Variants in ZC3H7B observed in about 807,000 individuals in gnomAD.
ZC3H7B encodes zinc finger CCCH-type containing 7B.
Under a neutral mutation model 116.0 loss-of-function variants are expected in ZC3H7B, and 35 were observed. The observed-to-expected ratio is 0.30, with a 90% CI of 0.23 to 0.40. ZC3H7B has a LOEUF of 0.40. Among genes scored for constraint, ZC3H7B ranks in the 10% least tolerant of loss-of-function variants. The pLI, the probability that ZC3H7B is intolerant of heterozygous loss-of-function variation, is 1.00. For synonymous variants in ZC3H7B, 502 were observed against 545.6 expected, an observed-to-expected ratio of 0.92 and a Z score of 1.11; for missense variants, 1,011 against 1,321.5, an observed-to-expected ratio of 0.77 and a Z score of 3.64.
intron 1 of ZC3H7B, among the ~76,000 whole-genome samples, chr22:41,315,833 A>G (rs2036175631): frequency 6.6e-6 from 1 of 152,160 alleles, no homozygotes; most frequent in African/African-American, 2.4e-5. Flanking sequence ...GTACTTCTGT[A>G]TAGGCCCTAT....
rs373997675 is a variant in ZC3H7B, at chr22:41,330,186, G to A, written c.525+83G>A. ...GGGACCAGGCTCCGTGGGGAAGGTGGGTGAGGGTGGCCAGGGCTGGGTTAG... is the reference window on the plus strand; with the variant it reads ...GGGACCAGGCTCCGTGGGGAAGGTGAGTGAGGGTGGCCAGGGCTGGGTTAG... On this transcript the variant is annotated intron_variant, in intron 6 of 22. Coordinates refer to ENST00000352645, the MANE Select transcript of ZC3H7B (RefSeq NM_017590.6). 34 of 1,468,968 alleles carry A rather than the reference G, an allele frequency of 2.3e-5. No individual in the cohort carries two copies. In the African/African-American group the frequency reaches 4.0e-4, roughly 17 times the overall value. 91.0% of individuals were successfully genotyped at this position (1,468,968 alleles called of 1,614,324 possible).
chr22:41,357,521 T>A lies in ZC3H7B; in HGVS notation c.*92T>A. 1 of 400,512 alleles carries A rather than the reference T, an allele frequency of 2.5e-6. No individual in the cohort carries two copies. The highest frequency in any genetic ancestry group is 4.3e-6 in the Non-Finnish European group (1 of 234,990). The allele number at this position is 400,512 out of a possible 1,614,324, so 24.8% of individuals were successfully genotyped here. ...GAAGGGTCAGGGCAGGCCAGGGGGG[T>A]GGGGGGCCGCCCTCATCAGGCAGCC... On this transcript the variant is annotated 3_prime_UTR_variant, in exon 23 of 23. Transcript: ENST00000352645. The surrounding 1 kb of genome is among the most constrained non-coding windows in gnomAD (Gnocchi z 5.4).
chr22:41,309,212 G>T (rs1403836241), intron 1 of ZC3H7B, among the ~76,000 whole-genome samples: 1 of 151,644 alleles, frequency 6.6e-6, no homozygotes, highest in Non-Finnish European at 1.5e-5. Context: ...GGGTTTCACC[G>T]TGTTAGCCAG....
rs2036329266 is a variant in ZC3H7B, at chr22:41,327,141, G to A, written c.286-65G>A. 1.3e-6 allele frequency: 2 copies of A among 1,587,082 alleles called. No individual in the cohort carries two copies. Among genetic ancestry groups the A allele is most frequent in the African/African-American group, 2.7e-5 (2 of 74,566 alleles). On this transcript the variant is annotated intron_variant, in intron 4 of 22. Coordinates refer to ENST00000352645, the MANE Select transcript of ZC3H7B (RefSeq NM_017590.6). This position sits in a 1 kb window ranked among gnomAD's most constrained non-coding sequence, Gnocchi z 4.5. ...AGCTGGTGTTCCTTCCTAGGCAGGG[G>A]CAGGAGGCCTGGGGGAGGGAGGGTA...
chr22:41,338,245 G>A lies in ZC3H7B; in HGVS notation c.583-68G>A. ...GTCAACAGCATAGTCACGTGGGGAG[G>A]GGCTGGTGCTGGGTGCTGGGATCGG... On this transcript the variant is annotated intron_variant, in intron 7 of 22. Coordinates refer to ENST00000352645, the MANE Select transcript of ZC3H7B (RefSeq NM_017590.6). The surrounding 1 kb of genome is among the most constrained non-coding windows in gnomAD (Gnocchi z 4.5). The A allele has an allele frequency of 6.5e-7, 1 of 1,537,142 alleles. No individual in the cohort carries two copies. Among genetic ancestry groups the A allele is most frequent in the Non-Finnish European group, 8.9e-7 (1 of 1,123,340 alleles).
chr22:41,327,469 C>G lies in ZC3H7B; in HGVS notation c.444+105C>G. The G allele has an allele frequency of 6.9e-7, 1 of 1,446,970 alleles. No homozygotes were observed. Among genetic ancestry groups the G allele is most frequent in the East Asian group, 2.3e-5 (1 of 43,238 alleles). 89.6% of individuals were successfully genotyped at this position (1,446,970 alleles called of 1,614,324 possible). On this transcript the variant is annotated intron_variant, in intron 5 of 22. Transcript: ENST00000352645. This position sits in a 1 kb window ranked among gnomAD's most constrained non-coding sequence, Gnocchi z 4.5. ...CACCACATCCTTCTGTGTCTCACTTCCTCCCCTGTGACATGGCCATGCAGA... is the reference window on the plus strand; with the variant it reads ...CACCACATCCTTCTGTGTCTCACTTGCTCCCCTGTGACATGGCCATGCAGA...
intron 15 of ZC3H7B, among the ~76,000 whole-genome samples, chr22:41,348,526 A>T (rs753424652): frequency 2.0e-5 from 3 of 152,188 alleles, no homozygotes; most frequent in Non-Finnish European, 2.9e-5. Context: ...ACTGTAGCCC[A>T]GCACCCTCCA....
intron 13 of ZC3H7B, among the ~76,000 whole-genome samples, chr22:41,345,694 C>T (rs1375265285): frequency 6.6e-6 from 1 of 152,164 alleles, no homozygotes; most frequent in Non-Finnish European, 1.5e-5. Context: ...GTGTGGAGTG[C>T]AGAAGCGGGC....
At chr22:41,323,430 G>A (rs1044826650) in intron 2 of ZC3H7B, among the ~76,000 whole-genome samples, 1 of 152,246 alleles carries the variant, frequency 6.6e-6, no homozygotes, top group Non-Finnish European at 1.5e-5. Context: ...TGTCTGTAGA[G>A]CTGGATTCCC....
intron 6 of ZC3H7B, among the ~76,000 whole-genome samples, chr22:41,330,520 A>T (rs1569236172): frequency 6.6e-6 from 1 of 152,224 alleles, no homozygotes; most frequent in Non-Finnish European, 1.5e-5. Flanking sequence ...GCACAAGGGA[A>T]ACTCGTGACT....
chr22:41,327,430 C>T lies in ZC3H7B; in HGVS notation c.444+66C>T, dbSNP rs1338210194. The T allele has an allele frequency of 5.1e-6, 8 of 1,565,072 alleles. No individual in the cohort carries two copies. The highest frequency in any genetic ancestry group is 6.9e-6 in the Non-Finnish European group (8 of 1,158,500). On this transcript the variant is annotated intron_variant, in intron 5 of 22. Transcript: ENST00000352645. This position sits in a 1 kb window ranked among gnomAD's most constrained non-coding sequence, Gnocchi z 4.5. ...GCCAGGCTTCTGACCTTCCGGCCCT[C>T]ACTTGGGCCCAGCCACCACATCCTT...
At position 41,359,169 on chromosome 22, in the gene ZC3H7B, T is replaced by A. The variant is rs1418016263; in HGVS notation, c.*1740T>A. On this transcript the variant is annotated 3_prime_UTR_variant, in exon 23 of 23. Coordinates refer to ENST00000352645, the MANE Select transcript of ZC3H7B (RefSeq NM_017590.6). ...GGGAGACCACACCCAAGGTGGGGGC[T>A]GTGGCCATGTGTGGCCGTGATGTCG... 6.5e-6 allele frequency: 1 copy of A among 152,860 alleles called. No homozygotes were observed. The highest frequency in any genetic ancestry group is 6.5e-5 in the Admixed American group (1 of 15,284). The allele number at this position is 152,860 out of a possible 1,614,324, so 9.5% of individuals were successfully genotyped here. A position where few individuals can be genotyped will look rare whatever the true frequency, so the allele number is the denominator to read the frequency against.
chr22:41,339,745 A>G, intron 9 of ZC3H7B, 71 bp from the exon 10 acceptor site: 1 of 1,442,290 alleles, frequency 6.9e-7, no homozygotes, highest in Non-Finnish European at 9.3e-7. Context: ...TTGCTTCCCC[A>G]AGTCCTGATG....
At chr22:41,331,747 T>C (rs2036387056) in intron 6 of ZC3H7B, among the ~76,000 whole-genome samples, 1 of 152,000 alleles carries the variant, frequency 6.6e-6, no homozygotes, top group Admixed American at 6.6e-5. Context: ...GGTGCATGCC[T>C]GTAGTCTCAG....
intron 21 of ZC3H7B, 61 bp from the exon 22 acceptor site, chr22:41,356,584 G>GT: frequency 6.2e-7 from 1 of 1,610,452 alleles, no homozygotes; most frequent in South Asian, 1.1e-5. Context: ...CAGCCTCTCC[G>GT]AGGTGGGTGG....
intron 13 of ZC3H7B, among the ~76,000 whole-genome samples, chr22:41,345,451 G>A (rs2036572539): frequency 6.6e-6 from 1 of 152,100 alleles, no homozygotes; most frequent in African/African-American, 2.4e-5. Context: ...CGGGCGTGGT[G>A]GCGGGTGCCT....
At chr22:41,352,710 T>C (rs2036668049) in intron 17 of ZC3H7B, among the ~76,000 whole-genome samples, 1 of 151,474 alleles carries the variant, frequency 6.6e-6, no homozygotes, top group Non-Finnish European at 1.5e-5. Context: ...TGCAGTGAGC[T>C]GAGATCACGC....
chr22:41,330,142 G>A lies in ZC3H7B; in HGVS notation c.525+39G>A, dbSNP rs750945310. On this transcript the variant is annotated intron_variant, in intron 6 of 22. Transcript: ENST00000352645. ...GGACCCTGGGAGGGTCGGTGTGGAC[G>A]TGAGGAGGTCTGAAGGGAGGGACCA... is the stretch of plus-strand genomic sequence containing the variant. The A allele has an allele frequency of 1.6e-5, 25 of 1,608,984 alleles. No individual in the cohort carries two copies. The East Asian group carries it at 1.8e-4, about 11-fold the overall frequency.
At chr22:41,331,255 A>T (rs1569236446) in intron 6 of ZC3H7B, among the ~76,000 whole-genome samples, 2 of 146,362 alleles carry the variant, frequency 1.4e-5, no homozygotes, top group Non-Finnish European at 3.0e-5. Flanking sequence ...CTCAAAAAAA[A>T]TAAATAAATA....
Sources: allele counts gnomAD v4.1 joint callset (sites outside exome capture counted in the v4.1 genomes callset), GRCh38; gene constraint gnomAD v4.1.1; non-coding constraint Gnocchi (gnomAD v3.1); transcripts MANE v1.5; gene names NCBI Gene and HGNC (gene_info 2026-07-23, HGNC 2026-07-21).